The following AGFG1 variants were observed in gnomAD, a reference collection of about 807,000 sequenced individuals.
AGFG1 encodes arf-GAP domain and FG repeat-containing protein 1.
Under a neutral mutation model 60.6 loss-of-function variants are expected in AGFG1, and 10 were observed. The ratio of observed to expected loss-of-function variants is 0.16; its 90% confidence interval spans 0.10 to 0.28. The LOEUF is 0.28. Among genes scored for constraint, AGFG1 ranks in the 10% least tolerant of loss-of-function variants. The pLI is 1.00. For missense variants in AGFG1, 537 were observed against 676.5 expected (o/e 0.79, Z 2.29); for synonymous variants, 247 against 242.9 (o/e 1.02, Z -0.16).
intron 2 of AGFG1, among the ~76,000 whole-genome samples, chr2:227,511,663 T>G (rs184086010): frequency 6.6e-6 from 1 of 152,206 alleles, no homozygotes; most frequent in Non-Finnish European, 1.5e-5. Flanking sequence ...GAATTTCTAT[T>G]GTGCATACAT....
intron 10 of AGFG1, among the ~76,000 whole-genome samples, chr2:227,550,402 A>G (rs992097268): frequency 6.6e-6 from 1 of 152,026 alleles, no homozygotes; most frequent in South Asian, 2.1e-4. Flanking sequence ...TGGTACTTTG[A>G]GTGACGCCTT....
intron 2 of AGFG1, among the ~76,000 whole-genome samples, chr2:227,496,570 TAC>T (rs1424195656): frequency 2.0e-5 from 3 of 152,200 alleles, no homozygotes; most frequent in Non-Finnish European, 2.9e-5. Flanking sequence ...ATAATAAAAG[TAC>T]AGTGGTCTTG....
chr2:227,514,148 C>G (rs1691582494), intron 2 of AGFG1, among the ~76,000 whole-genome samples: 1 of 152,186 alleles, frequency 6.6e-6, no homozygotes, highest in Admixed American at 6.5e-5. Context: ...CTTATTTCAT[C>G]ACTCCATAGC....
chr2:227,513,892 C>T (rs1691572957), intron 2 of AGFG1, among the ~76,000 whole-genome samples: 1 of 152,146 alleles, frequency 6.6e-6, no homozygotes, highest in Non-Finnish European at 1.5e-5. Flanking sequence ...GTTTATTGAA[C>T]ACTTAATATG....
chr2:227,480,206 G>C (rs923135338), intron 1 of AGFG1, among the ~76,000 whole-genome samples: 1 of 152,148 alleles, frequency 6.6e-6, no homozygotes, highest in African/African-American at 2.4e-5. Flanking sequence ...TGGGGGAGCT[G>C]TACACATGAT....
At chr2:227,533,121 C>T (rs1469899331) in intron 6 of AGFG1, among the ~76,000 whole-genome samples, 1 of 152,172 alleles carries the variant, frequency 6.6e-6, no homozygotes, top group African/African-American at 2.4e-5. Context: ...ATCGCTACCC[C>T]TGGGATTGTT....
chr2:227,500,853 C>T (rs1691133275), intron 2 of AGFG1, among the ~76,000 whole-genome samples: 1 of 151,882 alleles, frequency 6.6e-6, no homozygotes, highest in Non-Finnish European at 1.5e-5. Context: ...AGTGCAGTGG[C>T]ATGATCTTGG....
intron 2 of AGFG1, among the ~76,000 whole-genome samples, chr2:227,506,040 C>T (rs1451608806): frequency 6.6e-6 from 1 of 152,162 alleles, no homozygotes; most frequent in Non-Finnish European, 1.5e-5. Context: ...CTGCACCCAG[C>T]CTGTAATATG....
At chr2:227,479,655 C>T (rs1013506112) in intron 1 of AGFG1, among the ~76,000 whole-genome samples, 3 of 152,202 alleles carry the variant, frequency 2.0e-5, no homozygotes, top group African/African-American at 7.2e-5. Context: ...TACTCCCCCT[C>T]ATTTTTTCCC....
In AGFG1 at chr2:227,533,627, C is replaced by A. The variant is rs752121052; in HGVS notation, c.893C>A (p.Thr298Asn). 3 of 1,613,708 alleles carry A rather than the reference C, an allele frequency of 1.9e-6. No individual in the cohort carries two copies. Among genetic ancestry groups the A allele is most frequent in the African/African-American group, 1.3e-5 (1 of 74,910 alleles). The change falls in exon 7 of 13, where the codon ACC (threonine) becomes AAC (asparagine). Residue 298 changes from threonine to asparagine, a missense_variant. Thr to Asn is a moderately conservative substitution (Grantham distance 65). This residue lies in a region of AGFG1 where 287 missense variants were observed against 343.6 expected (regional missense o/e 0.84). Coordinates refer to ENST00000310078, the MANE Select transcript of AGFG1 (RefSeq NM_004504.5). ...FPKSSSADFG[T>N]FNTSQSHQTA... Reference sequence around the variant, plus strand: ...AAATCCTCCAGTGCTGATTTTGGAACCTTCAATACTTCCCAGAGTCATCAA... The same window carrying A: ...AAATCCTCCAGTGCTGATTTTGGAAACTTCAATACTTCCCAGAGTCATCAA...
At chr2:227,491,831 T>C (rs975419612) in intron 2 of AGFG1, among the ~76,000 whole-genome samples, 191 bp downstream of exon 2, 6 of 152,194 alleles carry the variant, frequency 3.9e-5, no homozygotes, top group Non-Finnish European at 5.9e-5. Context: ...ACATAAACAC[T>C]TTACCGTAAA....
At position 227,558,395 on chromosome 2, in the gene AGFG1, T is replaced by G. The variant is rs763575583; in HGVS notation, c.*3900T>G. 4.5e-5 allele frequency: 5 copies of G among 110,342 alleles called. No individual in the cohort carries two copies. Among genetic ancestry groups the G allele is most frequent in the Non-Finnish European group, 9.7e-5 (5 of 51,594 alleles). The allele number at this position is 110,342 out of a possible 1,614,324, so 6.8% of individuals were successfully genotyped here. A position where few individuals can be genotyped will look rare whatever the true frequency, so the allele number is the denominator to read the frequency against. On this transcript the variant is annotated 3_prime_UTR_variant, in exon 13 of 13. Transcript: ENST00000310078. ...TGAAATCAGTACAGTTTATTCTTGG[T>G]TTTTTTTTTTAACTTTAGAAGTAAA...
intron 2 of AGFG1, among the ~76,000 whole-genome samples, chr2:227,507,171 TAAAA>T (rs541747694): frequency 1.1e-4 from 16 of 149,062 alleles, no homozygotes; most frequent in African/African-American, 3.9e-4. Flanking sequence ...TCTTTAAAGT[TAAAA>T]AAAAAAATTT....
intron 2 of AGFG1, among the ~76,000 whole-genome samples, chr2:227,509,878 A>G (rs1423922578): frequency 6.6e-6 from 1 of 152,212 alleles, no homozygotes; most frequent in East Asian, 1.9e-4. Flanking sequence ...GACTGAAAGC[A>G]ATGGAAGAAG....
chr2:227,496,993 T>C (rs1260899374), intron 2 of AGFG1, among the ~76,000 whole-genome samples: 1 of 152,188 alleles, frequency 6.6e-6, no homozygotes, highest in Non-Finnish European at 1.5e-5. Context: ...CATATTGCCA[T>C]GTAGAGTGGC....
At chr2:227,544,147 T>C (rs13030869) in intron 10 of AGFG1, among the ~76,000 whole-genome samples, 24 of 8,774 alleles carry the variant, frequency 2.7e-3, no homozygotes, top group East Asian at 3.3e-3. Flanking sequence ...ATTCTGTGTC[T>C]TTTTTTTTTT....
At chr2:227,547,571 T>C (rs1692690333) in intron 10 of AGFG1, among the ~76,000 whole-genome samples, 1 of 152,172 alleles carries the variant, frequency 6.6e-6, no homozygotes, top group African/African-American at 2.4e-5. Flanking sequence ...ATTCAGAATG[T>C]GCAAAGAACT....
chr2:227,501,741 G>A (rs6712254), intron 2 of AGFG1, among the ~76,000 whole-genome samples: 10,969 of 152,050 alleles, frequency 0.072, 530 homozygotes, highest in Admixed American at 0.11. Context: ...ACACCACCAC[G>A]CGTGGCCCAT....
chr2:227,505,380 T>G (rs1470002406), intron 2 of AGFG1, among the ~76,000 whole-genome samples: 1 of 152,188 alleles, frequency 6.6e-6, no homozygotes, highest in African/African-American at 2.4e-5. Context: ...TGGGAAAATT[T>G]TATCATTTTC....
Sources: gnomAD v4.1 joint callset for allele counts (sites outside exome capture counted in the v4.1 genomes callset) on GRCh38, gnomAD v4.1.1 for gene constraint, gnomAD v4.1.1 regional missense constraint, MANE v1.5 for transcripts, NCBI Gene and HGNC (gene_info 2026-07-23, HGNC 2026-07-21) for gene names.